GFM1: variants seen among roughly 807,000 people sequenced by gnomAD.
GFM1 encodes the protein G elongation factor mitochondrial 1.
A neutral mutation model predicts 96.2 loss-of-function variants in GFM1; 62 were observed. The observed-to-expected ratio is 0.64, with a 90% CI of 0.53 to 0.80. The LOEUF is 0.80. Ranked by LOEUF, GFM1 falls within the 30% of genes least tolerant of loss-of-function variation. The pLI is 0.00. For synonymous variants in GFM1, 282 were observed against 312.9 expected (o/e 0.90, Z 1.04); for missense variants, 852 against 916.6 (o/e 0.93, Z 0.91).
intron 13 of GFM1, 39 bp from the exon 14 acceptor site, chr3:158,681,956 A>T: frequency 6.5e-7 from 1 of 1,531,936 alleles, no homozygotes; most frequent in Non-Finnish European, 9.0e-7. Flanking sequence ...TTTTGTAATT[A>T]CATAATGCTC....
Position 158,669,294 on chromosome 3 carries a change from G to C in GFM1, c.1601+2908G>C. 2.5e-6 allele frequency: 3 copies of C among 1,177,282 alleles called. No individual in the cohort carries two copies. The East Asian group carries it at 7.8e-5, about 30-fold the overall frequency. The allele number at this position is 1,177,282 out of a possible 1,614,324, so 72.9% of individuals were successfully genotyped here. ...AATTTCTGAGGCCTCTTTTTTGTTG[G>C]ATTGGATTAGAAATGAGTATTTTTG... On this transcript the variant is annotated intron_variant, in intron 13 of 17. Transcript: ENST00000486715.
intron 4 of GFM1, 47 bp from the exon 5 acceptor site, chr3:158,648,994 A>G: frequency 1.2e-6 from 1 of 860,338 alleles, no homozygotes; most frequent in African/African-American, 1.7e-5. Flanking sequence ...TTTCAAAGGG[A>G]TTAGGGGAGA....
intron 10 of GFM1, among the ~76,000 whole-genome samples, chr3:158,661,191 A>G (rs921943650): frequency 2.0e-5 from 3 of 152,172 alleles, no homozygotes; most frequent in African/African-American, 7.2e-5. Context: ...TTTCATAGTA[A>G]AAAGGAAAAC....
chr3:158,674,707 C>T (rs1724720438), intron 13 of GFM1, among the ~76,000 whole-genome samples: 1 of 152,102 alleles, frequency 6.6e-6, no homozygotes, highest in African/African-American at 2.4e-5. Flanking sequence ...TAAGCTTTTT[C>T]CTCTCTCCTT....
At chr3:158,648,246 G>A (rs1251877997) in intron 4 of GFM1, among the ~76,000 whole-genome samples, 3 of 151,860 alleles carry the variant, frequency 2.0e-5, no homozygotes, top group African/African-American at 4.8e-5. Context: ...CAAGCTTTTG[G>A]TTTCCTTCAA....
rs575709528 is a variant in GFM1, at chr3:158,660,894, C to T, written c.1242C>T (p.Ala414=). 2.9e-5 allele frequency: 47 copies of T among 1,613,422 alleles called. No homozygotes were observed. The highest frequency in any genetic ancestry group is 1.2e-4 in the South Asian group (11 of 91,076). Residue 414 remains alanine, a synonymous_variant, in exon 10 of 18, where the codon GCC becomes GCT. Transcript: ENST00000486715. ...DMMEDVEEVY[A]GDICALFGID... is the part of the protein sequence containing the mutation. ...TTTAGGATGTTGAGGAAGTATATGC[C>T]GGAGACATCTGTGCATTGTTTGGCA...
intron 11 of GFM1, 72 bp from the exon 12 acceptor site, chr3:158,665,260 TCAGTA>T (rs1723550003): frequency 9.5e-7 from 1 of 1,048,832 alleles, no homozygotes; most frequent in South Asian, 1.3e-5. Context: ...TTTATTTCAT[TCAGTA>T]AAGTTTTTTC....
At chr3:158,674,115 CTG>C (rs1399630232) in intron 13 of GFM1, among the ~76,000 whole-genome samples, 1 of 143,096 alleles carries the variant, frequency 7.0e-6, no homozygotes, top group Non-Finnish European at 1.5e-5. Flanking sequence ...GAGTTTCGCT[CTG>C]TTGCCTAGGC....
At chr3:158,661,314 G>A (rs1723178954) in intron 10 of GFM1, among the ~76,000 whole-genome samples, 1 of 152,098 alleles carries the variant, frequency 6.6e-6, no homozygotes, top group Admixed American at 6.6e-5. Flanking sequence ...CCACACTTGG[G>A]GTGCATTTCT....
At chr3:158,688,190 A>T (rs190189187) in intron 15 of GFM1, among the ~76,000 whole-genome samples, 9 of 152,354 alleles carry the variant, frequency 5.9e-5, no homozygotes, top group Admixed American at 4.6e-4. Flanking sequence ...TCAGTGAGGT[A>T]ACCTAAAACT....
At chr3:158,669,516 C>G in intron 13 of GFM1, 4 of 1,613,924 alleles carry the variant, frequency 2.5e-6, no homozygotes, top group Non-Finnish European at 3.4e-6. Context: ...TGGATTCTTT[C>G]CAGTTTCTCC....
At chr3:158,658,866 T>G in intron 8 of GFM1, 56 bp from the exon 9 acceptor site, 1 of 1,594,054 alleles carries the variant, frequency 6.3e-7, no homozygotes, top group Middle Eastern at 1.7e-4. Flanking sequence ...TCCTCAATAC[T>G]TTGATTATTA....
intron 13 of GFM1, among the ~76,000 whole-genome samples, chr3:158,671,831 C>T (rs1219577822): frequency 6.6e-6 from 1 of 152,214 alleles, no homozygotes; most frequent in Non-Finnish European, 1.5e-5. Flanking sequence ...TGGCTAAAGG[C>T]CAGCGTCAGC....
chr3:158,682,375 T>C lies in GFM1; in HGVS notation c.1764+218T>C, dbSNP rs954309183. 1.9e-5 allele frequency: 10 copies of C among 526,712 alleles called. No homozygotes were observed. The South Asian group carries it at 2.3e-4, about 12-fold the overall frequency. The allele number at this position is 526,712 out of a possible 1,614,324, so 32.6% of individuals were successfully genotyped here. A position where few individuals can be genotyped will look rare whatever the true frequency, so the allele number is the denominator to read the frequency against. ...CTGTGACAATGATGGGAAATTATTA[T>C]GTTTCTGAATCATAGTTATATTTTT... On this transcript the variant is annotated intron_variant, in intron 14 of 17. Transcript: ENST00000486715.
At chr3:158,669,094 G>T in intron 13 of GFM1, 1 of 1,613,160 alleles carries the variant, frequency 6.2e-7, no homozygotes, top group Non-Finnish European at 8.5e-7. Flanking sequence ...GCTAAATGTA[G>T]AACGAGCGTC....
intron 13 of GFM1, among the ~76,000 whole-genome samples, chr3:158,670,531 A>G (rs976772917): frequency 4.6e-5 from 7 of 152,218 alleles, no homozygotes; most frequent in Middle Eastern, 3.2e-3. Context: ...TCATATACCT[A>G]GGAATACCCA....
At chr3:158,667,094 C>A (rs4680455) in intron 13 of GFM1, 260,702 of 1,558,816 alleles carry the variant, frequency 0.17, 22,978 homozygotes, top group South Asian at 0.23. Flanking sequence ...AAAATAAAAA[C>A]GTGTTGTTTA....
At chr3:158,647,023 T>C in intron 4 of GFM1, 76 bp downstream of exon 4, 4 of 1,121,040 alleles carry the variant, frequency 3.6e-6, no homozygotes, top group Non-Finnish European at 5.4e-6. Flanking sequence ...GGTGATTAAT[T>C]CACTGTCATT....
chr3:158,658,064 T>C (rs1250483657), intron 8 of GFM1, among the ~76,000 whole-genome samples: 3 of 152,104 alleles, frequency 2.0e-5, no homozygotes, highest in Non-Finnish European at 4.4e-5. Flanking sequence ...GATTGCTATT[T>C]TGTTAAGCCT....
Sources: gnomAD v4.1 joint callset for allele counts (sites outside exome capture counted in the v4.1 genomes callset) on GRCh38, gnomAD v4.1.1 for gene constraint, MANE v1.5 for transcripts, NCBI Gene and HGNC (gene_info 2026-07-23, HGNC 2026-07-21) for gene names.